The following TUSC3 variants were observed in gnomAD, a reference collection of about 807,000 sequenced individuals.
TUSC3 encodes dolichyl-diphosphooligosaccharide--protein glycosyltransferase subunit TUSC3.
A neutral mutation model predicts 44.8 loss-of-function variants in TUSC3; 45 were observed. That is an observed-to-expected ratio of 1.00 (90% CI 0.79 to 1.29). The LOEUF (loss-of-function observed/expected upper bound fraction) is 1.29. TUSC3 is among the 50% of genes most tolerant of loss of function. The pLI is 0.00. For missense variants in TUSC3, 519 were observed against 437.9 expected (o/e 1.19, Z -1.65); for synonymous variants, 212 against 152.9 (o/e 1.39, Z -2.85).
intron 1 of TUSC3, among the ~76,000 whole-genome samples, chr8:15,621,992 G>T (rs538801839): frequency 3.7e-4 from 57 of 152,140 alleles, no homozygotes; most frequent in African/African-American, 1.4e-3. Context: ...CTTAACTCAG[G>T]ATAAGATGTC....
rs558828381 is a variant in TUSC3, at chr8:15,662,119, T to G, written c.568-37T>G. 34 of 1,610,988 alleles carry G rather than the reference T, an allele frequency of 2.1e-5. No homozygotes were observed. In the South Asian group the frequency reaches 3.3e-4, roughly 16 times the overall value. On this transcript the variant is annotated intron_variant, in intron 4 of 10. Coordinates refer to ENST00000503731, the MANE Select transcript of TUSC3 (RefSeq NM_006765.4). ...TATGATCAAAAGAAAAATTTTATTT[T>G]TCTTTCATTTTTGAAATTTCTATTG...
intron 10 of TUSC3, among the ~76,000 whole-genome samples, chr8:15,759,860 T>G (rs1812097886): frequency 1.3e-5 from 2 of 152,144 alleles, no homozygotes; most frequent in Non-Finnish European, 2.9e-5. Flanking sequence ...AATCTCTTTC[T>G]CCACCCCTTT....
At chr8:15,509,303 C>T (rs1388479001) in intron 2 of TUSC3, among the ~76,000 whole-genome samples, 4 of 152,104 alleles carry the variant, frequency 2.6e-5, no homozygotes, top group Non-Finnish European at 4.4e-5. Flanking sequence ...CTGAATGCTA[C>T]GTGAAATTCA....
intron 1 of TUSC3, among the ~76,000 whole-genome samples, chr8:15,570,644 T>G (rs2129143046): frequency 6.6e-6 from 1 of 152,282 alleles, no homozygotes; most frequent in South Asian, 2.1e-4. Context: ...ATGTATTATT[T>G]CATTTAAGCA....
At chr8:15,767,352 A>T (rs1038914104), downstream of TUSC3, among the ~76,000 whole-genome samples, 1 of 151,852 alleles carries the variant, frequency 6.6e-6, no homozygotes, top group African/African-American at 2.4e-5. Context: ...ACATCTATCT[A>T]TTTCCATTAA....
the TUSC3 span, among the ~76,000 whole-genome samples, chr8:15,832,012 T>G: frequency 6.6e-6 from 1 of 151,986 alleles, no homozygotes; most frequent in African/African-American, 2.4e-5. Context: ...AAGGTCAAAA[T>G]GAAAAAACAG....
intron 2 of TUSC3, among the ~76,000 whole-genome samples, chr8:15,507,803 C>G (rs1801077281): frequency 6.6e-6 from 1 of 151,814 alleles, no homozygotes; most frequent in Admixed American, 6.6e-5. Flanking sequence ...AAGGAAAAAA[C>G]TATAGTTAAA....
intron 2 of TUSC3, among the ~76,000 whole-genome samples, chr8:15,527,356 A>T (rs1403715764): frequency 2.0e-5 from 3 of 152,032 alleles, no homozygotes; most frequent in Non-Finnish European, 4.4e-5. Context: ...AGCTGGGATT[A>T]CAGGTGCCCG....
At chr8:15,518,741 A>AT (rs1801254772) in intron 2 of TUSC3, among the ~76,000 whole-genome samples, 1 of 152,182 alleles carries the variant, frequency 6.6e-6, no homozygotes, top group African/African-American at 2.4e-5. Context: ...GTAGGGGTAC[A>AT]TTTAGTATGT....
intron 6 of TUSC3, among the ~76,000 whole-genome samples, chr8:15,690,666 T>G (rs1808859425): frequency 6.6e-6 from 1 of 152,188 alleles, no homozygotes; most frequent in Non-Finnish European, 1.5e-5. Flanking sequence ...CATCTTGAGT[T>G]GATTTTTATG....
At chr8:15,831,552 C>T in the TUSC3 span, among the ~76,000 whole-genome samples, 1 of 140,348 alleles carries the variant, frequency 7.1e-6, no homozygotes, top group East Asian at 2.4e-4. Context: ...CAAAGAATTA[C>T]AACAAAATGA....
chr8:15,453,195 G>A (rs778416142), intron 1 of TUSC3, among the ~76,000 whole-genome samples: 7 of 152,148 alleles, frequency 4.6e-5, no homozygotes, highest in Non-Finnish European at 4.4e-5. Flanking sequence ...GAGTGTTTCT[G>A]AAGAATGTCT....
intron 1 of TUSC3, among the ~76,000 whole-genome samples, chr8:15,613,794 C>G (rs958435071): frequency 1.3e-5 from 2 of 152,102 alleles, no homozygotes; most frequent in Admixed American, 6.6e-5. Flanking sequence ...CTTTAACATT[C>G]CCTTTAAGCA....
At chr8:15,509,534 AGAGGCT>A (rs761905895) in intron 2 of TUSC3, among the ~76,000 whole-genome samples, 10 of 152,062 alleles carry the variant, frequency 6.6e-5, no homozygotes, top group Non-Finnish European at 1.3e-4. Context: ...CTTGAATCCC[AGAGGCT>A]GAGGTTGCAG....
At chr8:15,571,010 G>A (rs1373893855) in intron 1 of TUSC3, among the ~76,000 whole-genome samples, 1 of 98,914 alleles carries the variant, frequency 1.0e-5, no homozygotes, top group South Asian at 3.2e-4. Context: ...AGGCTGAAGT[G>A]CAGTGATATG....
chr8:15,623,888 T>TA (rs1162384471), intron 2 of TUSC3, among the ~76,000 whole-genome samples: 1 of 152,160 alleles, frequency 6.6e-6, no homozygotes, highest in Non-Finnish European at 1.5e-5. Context: ...CTGGCATCGA[T>TA]ACAGACAAAT....
chr8:15,845,883 AGAC>A, the TUSC3 span, among the ~76,000 whole-genome samples: 55 of 152,170 alleles, frequency 3.6e-4, no homozygotes, highest in Non-Finnish European at 4.7e-4. Flanking sequence ...GACATACCTG[AGAC>A]TGGAAAGAAA....
At chr8:15,420,111 T>C (rs912592360) in intron 1 of TUSC3, among the ~76,000 whole-genome samples, 3 of 152,144 alleles carry the variant, frequency 2.0e-5, no homozygotes, top group Non-Finnish European at 4.4e-5. Context: ...ATACACACTT[T>C]ATGGAGTATT....
At chr8:15,776,836 A>G in the TUSC3 span, among the ~76,000 whole-genome samples, 1 of 152,140 alleles carries the variant, frequency 6.6e-6, no homozygotes, top group East Asian at 1.9e-4. Flanking sequence ...ACTCTGTAAG[A>G]TTAGCCCTTT....
Sources: allele counts gnomAD v4.1 joint callset (sites outside exome capture counted in the v4.1 genomes callset), GRCh38; gene constraint gnomAD v4.1.1; transcripts MANE v1.5; gene names NCBI Gene and HGNC (gene_info 2026-07-23, HGNC 2026-07-21).